Variants in HACE1 observed in about 807,000 individuals in gnomAD.
HACE1 encodes E3 ubiquitin-protein ligase HACE1.
A neutral mutation model predicts 118.4 loss-of-function variants in HACE1; 73 were observed. The ratio of observed to expected loss-of-function variants is 0.62; its 90% CI spans 0.51 to 0.75. HACE1 has a LOEUF of 0.75. Among genes scored for constraint, HACE1 ranks in the 30% least tolerant of loss-of-function variants. The pLI is 0.00. For synonymous variants in HACE1, 368 were observed against 374.8 expected (o/e 0.98, Z 0.21); for missense variants, 749 against 1,102.2 (o/e 0.68, Z 4.54).
chr6:104,851,873 T>C (rs1210510377), intron 2 of HACE1, among the ~76,000 whole-genome samples: 1 of 152,162 alleles, frequency 6.6e-6, no homozygotes, highest in East Asian at 1.9e-4. Flanking sequence ...TAATTGTATT[T>C]CATATATGGC....
intron 6 of HACE1, among the ~76,000 whole-genome samples, chr6:104,812,044 G>C (rs956538327): frequency 8.6e-5 from 13 of 151,960 alleles, no homozygotes; most frequent in African/African-American, 3.1e-4. Context: ...CATACTAAGA[G>C]AGAGTACGCT....
At position 104,771,340 on chromosome 6, in the gene HACE1, C is replaced by G. The variant is rs200534595; in HGVS notation, c.2064G>C (p.Ala688=). 1.2e-6 allele frequency: 2 copies of G among 1,612,912 alleles called. No homozygotes were observed. Among genetic ancestry groups the G allele is most frequent in the African/African-American group, 2.7e-5 (2 of 74,996 alleles). ...TATCTAAAATCCATTGCAAATTTTT[C>G]GCATATTCTGGATCAATGGATGCCA... is the stretch of plus-strand genomic sequence containing the variant. The part of the protein sequence containing the change: ...QDVASIDPEY[A]KNLQWILDND... The change falls in exon 19 of 24, where the codon GCG becomes GCC. Residue 688 remains alanine (A), a synonymous_variant. Coordinates refer to ENST00000262903, the MANE Select transcript of HACE1 (RefSeq NM_020771.4).
At chr6:104,811,560 G>C (rs1157819384) in intron 6 of HACE1, among the ~76,000 whole-genome samples, 167 bp from the exon 7 acceptor site, 1 of 151,982 alleles carries the variant, frequency 6.6e-6, no homozygotes, top group Non-Finnish European at 1.5e-5. Flanking sequence ...TCAACTTTTT[G>C]TAAGCTCTAA....
At chr6:104,796,865 A>G (rs1373161525) in intron 8 of HACE1, 64 bp downstream of exon 8, 11 of 1,140,696 alleles carry the variant, frequency 9.6e-6, no homozygotes, top group Non-Finnish European at 1.3e-5. Context: ...AAAAAATAAT[A>G]ATTTTTACCA....
chr6:104,852,228 T>TGTGTGTGTGTGTGC lies in HACE1; in HGVS notation c.131+88_131+89insGCACACACACACAC, dbSNP rs142463116. ...GTGTGTGTGTGTGTGTGTGTGTGTG[T>TGTGTGTGTGTGTGC]GCGCGCGTGCGCGTGCACGGGCATG... On this transcript the variant is annotated intron_variant, in intron 2 of 23. Coordinates refer to ENST00000262903, the MANE Select transcript of HACE1 (RefSeq NM_020771.4). 478 of 661,156 alleles carry TGTGTGTGTGTGTGC rather than the reference T, an allele frequency of 7.2e-4. 3 individuals carry two copies. In the African/African-American group the frequency reaches 0.01, roughly 14 times the overall value. The allele number at this position is 661,156 out of a possible 1,614,324, so 41.0% of individuals were successfully genotyped here. A position where few individuals can be genotyped will look rare whatever the true frequency, so the allele number is the denominator to read the frequency against.
In HACE1 at chr6:104,852,233, G is replaced by A. The variant is rs775888642; in HGVS notation, c.131+84C>T. 2,021 of 779,558 alleles carry A rather than the reference G, an allele frequency of 2.6e-3. 12 individuals carry two copies. Among genetic ancestry groups the A allele is most frequent in the Non-Finnish European group, 3.7e-3 (1,605 of 430,316 alleles). 48.3% of individuals were successfully genotyped at this position (779,558 alleles called of 1,614,324 possible). A position where few individuals can be genotyped will look rare whatever the true frequency, so the allele number is the denominator to read the frequency against. ...TGTGTGTGTGTGTGTGTGTGTGCGCGCGTGCGCGTGCACGGGCATGCAGTA... is the reference window on the plus strand; with the variant it reads ...TGTGTGTGTGTGTGTGTGTGTGCGCACGTGCGCGTGCACGGGCATGCAGTA... On this transcript the variant is annotated intron_variant, in intron 2 of 23. Transcript: ENST00000262903.
At chr6:104,811,242 T>A (rs56343206) in intron 7 of HACE1, 69 bp downstream of exon 7, 8,277 of 190,736 alleles carry the variant, frequency 0.043, 224 homozygotes, top group Non-Finnish European at 0.056. Flanking sequence ...ATTTCTTTAT[T>A]TATACATATA....
At chr6:104,788,819 C>A (rs1782701798) in intron 11 of HACE1, among the ~76,000 whole-genome samples, 1 of 152,070 alleles carries the variant, frequency 6.6e-6, no homozygotes, top group Non-Finnish European at 1.5e-5. Flanking sequence ...GAAAGAATGG[C>A]TATGTGTTAA....
At chr6:104,738,190 T>A (rs1277496947) in intron 22 of HACE1, among the ~76,000 whole-genome samples, 25 of 149,276 alleles carry the variant, frequency 1.7e-4, no homozygotes, top group East Asian at 1.2e-3. Flanking sequence ...TCAAAGACCA[T>A]AAGTAGATAA....
intron 1 of HACE1, among the ~76,000 whole-genome samples, chr6:104,854,205 C>T (rs921244699): frequency 3.3e-5 from 5 of 152,036 alleles, no homozygotes; most frequent in African/African-American, 4.8e-5. Flanking sequence ...GTCTCACGAC[C>T]GTTAAACACA....
chr6:104,782,480 G>A (rs1781844871), intron 14 of HACE1: 1 of 151,882 alleles, frequency 6.6e-6, no homozygotes, highest in Non-Finnish European at 1.5e-5. Flanking sequence ...AAAACCCTGT[G>A]TCAAAAAAAA....
At chr6:104,729,898 T>G (rs1261154967) in intron 23 of HACE1, 134 bp from the exon 24 acceptor site, 1 of 663,554 alleles carries the variant, frequency 1.5e-6, no homozygotes, top group Non-Finnish European at 2.7e-6. Context: ...TGAAAAACCC[T>G]AAAGTGGTAT....
rs564667570 is a variant in HACE1 at position 104,747,724 on chromosome 6, G to A, written c.2343+2617C>T. Among the ~76,000 whole-genome samples, 5 of 152,182 alleles carry A rather than the reference G, an allele frequency of 3.3e-5. No individual in the cohort carries two copies. The South Asian group carries it at 8.3e-4, about 25-fold the overall frequency. ...CTAGTTTTCTCATCTGTAAAATGGG[G>A]ACAATAGTACTCACCTCAAGAGATT... On this transcript the variant is annotated intron_variant, in intron 20 of 23. Transcript: ENST00000262903.
intron 4 of HACE1, among the ~76,000 whole-genome samples, chr6:104,847,048 CAGAA>C (rs1012034273): frequency 1.3e-5 from 2 of 152,144 alleles, no homozygotes; most frequent in East Asian, 1.9e-4. Flanking sequence ...TCACTGTTGA[CAGAA>C]AGAGTGATCA....
rs142172304 is a variant in HACE1 at position 104,784,472 on chromosome 6, G to A, written c.1423C>T (p.Arg475Cys). The change falls in exon 13 of 24, where the codon CGT becomes TGT. Residue 475 changes from arginine to cysteine, a missense_variant. Coordinates refer to ENST00000262903, the MANE Select transcript of HACE1 (RefSeq NM_020771.4). Reference sequence around the variant, plus strand: ...TGTTTGCAGACAAATTCAATGAAACGAGGTGAAGTCATTCTGTGGGGGGAA... The same window carrying A: ...TGTTTGCAGACAAATTCAATGAAACAAGGTGAAGTCATTCTGTGGGGGGAA... ...CQMPPGMTSP[R>C]FIEFVCKHDE... 7.0e-5 allele frequency: 113 copies of A among 1,610,652 alleles called. No individual in the cohort carries two copies. The highest frequency in any genetic ancestry group is 1.3e-4 in the South Asian group (12 of 91,004).
At chr6:104,789,796 T>G (rs1308351242) in intron 11 of HACE1, among the ~76,000 whole-genome samples, 3 of 152,154 alleles carry the variant, frequency 2.0e-5, no homozygotes, top group Admixed American at 2.0e-4. Flanking sequence ...GTAGAAAGTA[T>G]GAGTCAAAGT....
chr6:104,750,279 A>T, intron 20 of HACE1, 62 bp downstream of exon 20: 2 of 1,367,752 alleles, frequency 1.5e-6, no homozygotes, highest in East Asian at 2.3e-5. Context: ...TTATTTCTGA[A>T]TTACATCAAC....
At chr6:104,749,154 T>C (rs1413446950) in intron 20 of HACE1, among the ~76,000 whole-genome samples, 1 of 152,182 alleles carries the variant, frequency 6.6e-6, no homozygotes, top group African/African-American at 2.4e-5. Context: ...AAATAACTAA[T>C]GCTCTGTTTT....
rs745586151 is a variant in HACE1 at position 104,843,209 on chromosome 6, T to C, written c.402+14A>G. 3 of 1,270,162 alleles carry C rather than the reference T, an allele frequency of 2.4e-6. No homozygotes were observed. Among genetic ancestry groups the C allele is most frequent in the East Asian group, 2.3e-5 (1 of 43,304 alleles). The allele number at this position is 1,270,162 out of a possible 1,614,324, so 78.7% of individuals were successfully genotyped here. On this transcript the variant is annotated intron_variant, in intron 5 of 23. Transcript: ENST00000262903. ...CATACTTTTAAAACATCAGATGAAA[T>C]TGATAGCACTTACTGCTGTAAGGCC...
Sources: allele counts gnomAD v4.1 joint callset (sites outside exome capture counted in the v4.1 genomes callset), GRCh38; gene constraint gnomAD v4.1.1; transcripts MANE v1.5; gene names NCBI Gene and HGNC (gene_info 2026-07-23, HGNC 2026-07-21).